The following LRFN5 variants were observed in gnomAD, a reference collection of about 807,000 sequenced individuals.
LRFN5 encodes the protein leucine rich repeat and fibronectin type III domain containing 5, also known as leucine-rich repeat and fibronectin type-III domain-containing protein 5.
A neutral mutation model predicts 45.6 loss-of-function variants in LRFN5; 24 were observed. That is an observed-to-expected ratio of 0.53 (90% CI 0.38 to 0.74). LRFN5 has a LOEUF of 0.74. LRFN5 is among the 30% of genes least tolerant of loss of function. The probability of loss-of-function intolerance (pLI) is 0.00; values close to 1 mark genes in which losing one functional copy is unlikely to be tolerated. For synonymous variants in LRFN5, 340 were observed against 313.8 expected (o/e 1.08, Z -0.88); for missense variants, 776 against 861.5 (o/e 0.90, Z 1.24).
chr14:41,874,701 C>A (rs1890129854), intron 2 of LRFN5, among the ~76,000 whole-genome samples: 1 of 152,094 alleles, frequency 6.6e-6, no homozygotes, highest in Non-Finnish European at 1.5e-5. Context: ...AATTATTTAT[C>A]TAAATGAATA....
chr14:41,641,083 T>C (rs1025206907), intron 1 of LRFN5, among the ~76,000 whole-genome samples: 2 of 152,080 alleles, frequency 1.3e-5, no homozygotes, highest in Non-Finnish European at 2.9e-5. Flanking sequence ...TCACACTCTC[T>C]AAAGTGCAAA....
chr14:41,743,328 A>G (rs961048987), intron 1 of LRFN5, among the ~76,000 whole-genome samples: 1 of 147,052 alleles, frequency 6.8e-6, no homozygotes, highest in African/African-American at 2.5e-5. Flanking sequence ...TACATGGTGT[A>G]TGCTAGAGAC....
chr14:41,895,169 T>C (rs891268968), intron 4 of LRFN5, among the ~76,000 whole-genome samples: 3 of 152,106 alleles, frequency 2.0e-5, no homozygotes, highest in African/African-American at 7.2e-5. Context: ...TGTCCCCCAA[T>C]TGAAAATATA....
intron 1 of LRFN5, among the ~76,000 whole-genome samples, chr14:41,659,499 C>T (rs1404707129): frequency 6.6e-6 from 1 of 152,066 alleles, no homozygotes; most frequent in Non-Finnish European, 1.5e-5. Flanking sequence ...GTGAATAGTG[C>T]CACAATAAAC....
intron 1 of LRFN5, among the ~76,000 whole-genome samples, chr14:41,672,497 T>G (rs972341782): frequency 4.6e-5 from 7 of 152,226 alleles, no homozygotes; most frequent in Admixed American, 2.0e-4. Context: ...AGTGATGATG[T>G]TTTTAGTTAT....
chr14:41,725,522 A>T (rs992228522), intron 1 of LRFN5, among the ~76,000 whole-genome samples: 1 of 151,542 alleles, frequency 6.6e-6, no homozygotes, highest in African/African-American at 2.4e-5. Context: ...TCTGAAAACT[A>T]TAAGCCAGAA....
chr14:41,879,595 A>G (rs1890303647), intron 2 of LRFN5, among the ~76,000 whole-genome samples: 1 of 151,340 alleles, frequency 6.6e-6, no homozygotes, highest in African/African-American at 2.4e-5. Context: ...GATATGCTAT[A>G]TATTTATATT....
intron 1 of LRFN5, among the ~76,000 whole-genome samples, chr14:41,657,026 A>G (rs1880411235): frequency 6.6e-6 from 1 of 151,816 alleles, no homozygotes; most frequent in South Asian, 2.1e-4. Flanking sequence ...ATTATTCCTA[A>G]TATATAGAAA....
At chr14:41,670,722 C>T (rs1881168812) in intron 1 of LRFN5, among the ~76,000 whole-genome samples, 1 of 151,790 alleles carries the variant, frequency 6.6e-6, no homozygotes, top group Admixed American at 6.6e-5. Flanking sequence ...ATTTTTATTT[C>T]AATAGATAGC....
intron 4 of LRFN5, chr14:41,892,341 A>G: frequency 1.0e-6 from 1 of 981,206 alleles, no homozygotes. Context: ...ATGTATATGT[A>G]TACTGGAAGG....
At chr14:41,665,535 AT>A (rs1242250835) in intron 1 of LRFN5, among the ~76,000 whole-genome samples, 5 of 151,982 alleles carry the variant, frequency 3.3e-5, no homozygotes, top group African/African-American at 1.2e-4. Context: ...TGGGTACGAA[AT>A]TATAATTATC....
intron 2 of LRFN5, among the ~76,000 whole-genome samples, chr14:41,881,616 C>T (rs1044437453): frequency 1.3e-5 from 2 of 152,000 alleles, no homozygotes; most frequent in African/African-American, 4.8e-5. Context: ...CCCTTTCTTT[C>T]TGAGAGGGAT....
chr14:41,761,910 G>A (rs887762473), intron 1 of LRFN5, among the ~76,000 whole-genome samples: 1 of 151,584 alleles, frequency 6.6e-6, no homozygotes. Context: ...TTTTGTAGAG[G>A]AATTTTACAA....
At chr14:41,837,954 A>C (rs1001919609) in intron 2 of LRFN5, among the ~76,000 whole-genome samples, 1 of 152,228 alleles carries the variant, frequency 6.6e-6, no homozygotes. Context: ...GAACATATAC[A>C]ACATTAACAT....
chr14:41,776,419 G>T (rs552999772), intron 2 of LRFN5, among the ~76,000 whole-genome samples: 8 of 152,188 alleles, frequency 5.3e-5, no homozygotes, highest in African/African-American at 1.7e-4. Flanking sequence ...TTTGGTGTGG[G>T]TTTATGGGCA....
intron 2 of LRFN5, among the ~76,000 whole-genome samples, chr14:41,796,419 A>G (rs1304299102): frequency 1.3e-5 from 2 of 151,946 alleles, no homozygotes; most frequent in Non-Finnish European, 2.9e-5. Context: ...TATATTTTAC[A>G]TAGAGTTTCA....
At chr14:41,621,018 TTTAC>T (rs1273386260) in intron 1 of LRFN5, among the ~76,000 whole-genome samples, 1 of 152,070 alleles carries the variant, frequency 6.6e-6, no homozygotes, top group Non-Finnish European at 1.5e-5. Context: ...AGCACTAAAA[TTTAC>T]TTATATGTAC....
At chr14:41,859,368 A>G (rs1244568909) in intron 2 of LRFN5, among the ~76,000 whole-genome samples, 1 of 152,192 alleles carries the variant, frequency 6.6e-6, no homozygotes, top group Non-Finnish European at 1.5e-5. Context: ...CTATCTCCAA[A>G]TACAATTCTG....
At chr14:41,676,145 A>G (rs949899265) in intron 1 of LRFN5, among the ~76,000 whole-genome samples, 1 of 152,170 alleles carries the variant, frequency 6.6e-6, no homozygotes, top group African/African-American at 2.4e-5. Flanking sequence ...TATTTCAGCA[A>G]ATGCCCCTTC....
Sources: allele counts gnomAD v4.1 joint callset (sites outside exome capture counted in the v4.1 genomes callset), GRCh38; gene constraint gnomAD v4.1.1; transcripts MANE v1.5; gene names NCBI Gene and HGNC (gene_info 2026-07-23, HGNC 2026-07-21).